The following NTM variants were observed in gnomAD, a reference collection of about 807,000 sequenced individuals.
NTM encodes IgLON family member 2.
Under a neutral mutation model 42.1 loss-of-function variants are expected in NTM, and 13 were observed. The ratio of observed to expected loss-of-function variants is 0.31; its 90% CI spans 0.20 to 0.49. NTM has a LOEUF of 0.49. Ranked by LOEUF, NTM falls within the 20% of genes least tolerant of loss-of-function variation. NTM has a pLI of 0.99. For synonymous variants in NTM, 187 were observed against 179.2 expected (o/e 1.04, Z -0.35); for missense variants, 373 against 452.8 (o/e 0.82, Z 1.60).
At chr11:132,273,847 C>A (rs1362712433) in intron 4 of NTM, among the ~76,000 whole-genome samples, 2 of 152,206 alleles carry the variant, frequency 1.3e-5, no homozygotes, top group Admixed American at 1.3e-4. Flanking sequence ...ACAGAGGTTG[C>A]AGTAAGCTGA....
In NTM at chr11:131,914,054, C is replaced by T. The variant is rs549356485; in HGVS notation, c.167+2406C>T. On this transcript the variant is annotated intron_variant, in intron 2 of 8. Coordinates refer to ENST00000683400, the MANE Select transcript of NTM (RefSeq NM_001352005.2). ...GGAAGGGCTGCCCTGCTGGGATGGA[C>T]TTTGGTGGGGTGGAAGCCCCTGAAC... Among the ~76,000 whole-genome samples the T allele has an allele frequency of 4.3e-4, 65 of 152,310 alleles. No homozygotes were observed. The South Asian group carries it at 5.2e-3, about 12-fold the overall frequency.
intron 1 of NTM, among the ~76,000 whole-genome samples, chr11:131,640,687 T>C (rs993377003): frequency 2.6e-5 from 4 of 152,152 alleles, no homozygotes; most frequent in Admixed American, 1.3e-4. Context: ...CTTCTTAATA[T>C]GGGAATTACC....
chr11:132,137,265 G>A (rs1324542128), intron 2 of NTM, among the ~76,000 whole-genome samples: 1 of 152,210 alleles, frequency 6.6e-6, no homozygotes, highest in African/African-American at 2.4e-5. Context: ...TGGAGACAAA[G>A]CAAAGATGGA....
In NTM at chr11:132,334,920, A is replaced by C. The variant is rs552818386; in HGVS notation, c.968-126A>C. 39 of 1,468,612 alleles carry C rather than the reference A, an allele frequency of 2.7e-5. No individual in the cohort carries two copies. The African/African-American group carries it at 3.4e-4, about 13-fold the overall frequency. The allele number at this position is 1,468,612 out of a possible 1,614,324, so 91.0% of individuals were successfully genotyped here. ...TCACTTCTAATGCTGGGGCTGGAAC[A>C]CCATGTGTTTCACTTAGAGGGATGA... is the stretch of plus-strand genomic sequence containing the variant. On this transcript the variant is annotated intron_variant, in intron 8 of 8. Transcript: ENST00000683400.
At chr11:131,422,659 G>GT (rs1419025038) in intron 1 of NTM, among the ~76,000 whole-genome samples, 4 of 152,164 alleles carry the variant, frequency 2.6e-5, no homozygotes, top group Non-Finnish European at 5.9e-5. Context: ...GCAGGAAATT[G>GT]TATGAGAGCA....
intron 1 of NTM, among the ~76,000 whole-genome samples, chr11:131,824,066 T>G (rs1001181155): frequency 1.3e-5 from 2 of 152,170 alleles, no homozygotes; most frequent in African/African-American, 4.8e-5. Flanking sequence ...AAAAGAATTC[T>G]CAAAAGGCAT....
rs2070469321 is a variant in NTM, at chr11:132,146,590, T to A, written c.400+76T>A. On this transcript the variant is annotated intron_variant, in intron 3 of 8. Transcript: ENST00000683400. The surrounding 1 kb of genome is among the most constrained non-coding windows in gnomAD (Gnocchi z 4.5). The stretch of plus-strand genomic sequence containing the variant: ...CTTCAGGTAAAGGTTTGTTCTCTGA[T>A]CCTCAACAGAGATGAGTTATCCTTA... 1 of 1,465,216 alleles carries A rather than the reference T, an allele frequency of 6.8e-7. No individual in the cohort carries two copies. 90.8% of individuals were successfully genotyped at this position (1,465,216 alleles called of 1,614,324 possible). A position where few individuals can be genotyped will look rare whatever the true frequency, so the allele number is the denominator to read the frequency against.
chr11:132,149,605 A>T (rs1591831022), intron 3 of NTM, among the ~76,000 whole-genome samples: 1 of 152,270 alleles, frequency 6.6e-6, no homozygotes, highest in African/African-American at 2.4e-5. Context: ...CAAATATCCC[A>T]TCTACCCCCT....
At chr11:131,505,074 C>G (rs1049030503) in intron 1 of NTM, among the ~76,000 whole-genome samples, 1 of 151,140 alleles carries the variant, frequency 6.6e-6, no homozygotes, top group African/African-American at 2.4e-5. Context: ...GTCATGAAAC[C>G]TACCTTCTAC....
At chr11:131,541,073 A>G (rs56023508) in intron 1 of NTM, among the ~76,000 whole-genome samples, 2,376 of 152,356 alleles carry the variant, frequency 0.016, 69 homozygotes, top group African/African-American at 0.052. Flanking sequence ...TTCATTAGGC[A>G]TCAAATCAAT....
At chr11:131,593,241 C>G (rs1413850469) in intron 1 of NTM, among the ~76,000 whole-genome samples, 4 of 152,188 alleles carry the variant, frequency 2.6e-5, no homozygotes, top group Non-Finnish European at 5.9e-5. Context: ...CCTCTAATTG[C>G]TAGGTCTCCT....
At position 132,330,263 on chromosome 11, in the gene NTM, T is replaced by C. The variant is rs899582590; in HGVS notation, c.967+78T>C. ...ACTCTTCACCTTCCTCCCAGATGCC[T>C]TCTTTCCTGAGCTAACTCCAGGAAG... On this transcript the variant is annotated intron_variant, in intron 8 of 8. Transcript: ENST00000683400. 13 of 1,493,418 alleles carry C rather than the reference T, an allele frequency of 8.7e-6. No homozygotes were observed. In the African/African-American group the frequency reaches 1.8e-4, roughly 21 times the overall value. 92.5% of individuals were successfully genotyped at this position (1,493,418 alleles called of 1,614,324 possible). A position where few individuals can be genotyped will look rare whatever the true frequency, so the allele number is the denominator to read the frequency against.
intron 1 of NTM, among the ~76,000 whole-genome samples, chr11:131,400,979 CCACACACACACA>C (rs56256717): frequency 7.1e-6 from 1 of 141,642 alleles, no homozygotes; most frequent in East Asian, 2.0e-4. Flanking sequence ...CTGCCACCTG[CCACACACACACA>C]CACACACACA....
chr11:132,012,648 TTA>T (rs2072469932), intron 2 of NTM, among the ~76,000 whole-genome samples: 3 of 152,194 alleles, frequency 2.0e-5, no homozygotes, highest in Admixed American at 2.0e-4. Flanking sequence ...GAATTTTGAG[TTA>T]TTTCTTAATT....
chr11:131,858,130 T>C (rs1305753306), intron 1 of NTM, among the ~76,000 whole-genome samples: 4 of 152,214 alleles, frequency 2.6e-5, no homozygotes, highest in Non-Finnish European at 5.9e-5. Context: ...TTGTGATTTC[T>C]GTACATGCTA....
At chr11:131,633,396 C>A (rs2063862084) in intron 1 of NTM, among the ~76,000 whole-genome samples, 1 of 152,128 alleles carries the variant, frequency 6.6e-6, no homozygotes, top group African/African-American at 2.4e-5. Flanking sequence ...ATTATCATGG[C>A]TTGATTCAGT....
intron 2 of NTM, among the ~76,000 whole-genome samples, chr11:131,975,714 C>G (rs1247431094): frequency 6.6e-6 from 1 of 152,070 alleles, no homozygotes; most frequent in African/African-American, 2.4e-5. Context: ...GGTTTCCTTC[C>G]TGTGATGACA....
chr11:131,842,234 G>C (rs574521133), intron 1 of NTM, among the ~76,000 whole-genome samples: 2 of 152,156 alleles, frequency 1.3e-5, no homozygotes, highest in East Asian at 3.9e-4. Context: ...TGGAACAGAC[G>C]GTGGTCTTTT....
At chr11:132,325,457 C>T (rs1211749461) in intron 7 of NTM, among the ~76,000 whole-genome samples, 2 of 152,170 alleles carry the variant, frequency 1.3e-5, no homozygotes, top group Non-Finnish European at 2.9e-5. Context: ...CAAATCAAAA[C>T]CACAGTGAGA....
Sources: allele counts gnomAD v4.1 joint callset (sites outside exome capture counted in the v4.1 genomes callset), GRCh38; gene constraint gnomAD v4.1.1; non-coding constraint Gnocchi (gnomAD v3.1); transcripts MANE v1.5; gene names NCBI Gene and HGNC (gene_info 2026-07-23, HGNC 2026-07-21).